The following DPP6 variants were observed in gnomAD, a reference collection of about 807,000 sequenced individuals.
The protein encoded by DPP6 is A-type potassium channel modulatory protein DPP6.
Under a neutral mutation model 122.6 loss-of-function variants are expected in DPP6, and 69 were observed. The ratio of observed to expected loss-of-function variants is 0.56; its 90% confidence interval spans 0.46 to 0.69. DPP6 has a LOEUF of 0.69. Among genes scored for constraint, DPP6 ranks in the 30% least tolerant of loss-of-function variants. The pLI, the probability that DPP6 is intolerant of heterozygous loss-of-function variation, is 0.00. For missense variants in DPP6, 928 were observed against 1,116.9 expected, an observed-to-expected ratio of 0.83 and a Z score of 2.41; for synonymous variants, 418 against 433.1, an observed-to-expected ratio of 0.97 and a Z score of 0.43.
At chr7:154,147,832 C>T (rs1263996808) in intron 1 of DPP6, among the ~76,000 whole-genome samples, 5,831 of 144,030 alleles carry the variant, frequency 0.04, no homozygotes, top group African/African-American at 0.15. Flanking sequence ...GTGTGAGCCG[C>T]AGCACCTGGC....
At chr7:154,334,274 A>G (rs1389662478) in intron 1 of DPP6, among the ~76,000 whole-genome samples, 2 of 152,182 alleles carry the variant, frequency 1.3e-5, no homozygotes, top group Non-Finnish European at 2.9e-5. Flanking sequence ...TCTGCCAGGA[A>G]TGTGCCCTTC....
intron 1 of DPP6, among the ~76,000 whole-genome samples, chr7:154,247,853 G>T (rs890171471): frequency 2.6e-5 from 4 of 152,086 alleles, no homozygotes; most frequent in Non-Finnish European, 5.9e-5. Context: ...AAGAAGCCAG[G>T]TATCTTTCAA....
Position 154,817,602 on chromosome 7 carries a change from C to T in DPP6, c.1666+10490C>T, listed in dbSNP as rs79343203. Reference sequence around the variant, plus strand: ...CGATGTTACGAATATCATGAGTGATCGATTGATGATGTCATGAACATCATG... The same window carrying T: ...CGATGTTACGAATATCATGAGTGATTGATTGATGATGTCATGAACATCATG... On this transcript the variant is annotated intron_variant, in intron 16 of 25. Coordinates refer to ENST00000377770, the MANE Select transcript of DPP6 (RefSeq NM_130797.4). Among the ~76,000 whole-genome samples, 753 of 151,886 alleles carry T rather than the reference C, an allele frequency of 5.0e-3. 3 individuals carry two copies. The highest frequency in any genetic ancestry group is 7.9e-3 in the Non-Finnish European group (536 of 67,960).
chr7:153,868,902 G>T, the DPP6 span, among the ~76,000 whole-genome samples: 1 of 151,958 alleles, frequency 6.6e-6, no homozygotes, highest in Non-Finnish European at 1.5e-5. Context: ...CTTTCATTTC[G>T]TTATGTACCC....
chr7:154,379,521 AAAG>A (rs1340570023), intron 1 of DPP6, among the ~76,000 whole-genome samples: 4 of 152,192 alleles, frequency 2.6e-5, no homozygotes, highest in African/African-American at 9.6e-5. Context: ...TTTTTTAAAA[AAAG>A]AATTTACCCC....
chr7:154,129,286 GAGTCAGTTTTGT>G (rs1341598602), intron 1 of DPP6, among the ~76,000 whole-genome samples: 1 of 152,110 alleles, frequency 6.6e-6, no homozygotes, highest in African/African-American at 2.4e-5. Context: ...TAGCTAGCCT[GAGTCAGTTTTGT>G]GCCTCGGTGT....
At chr7:154,030,750 C>T (rs1043831385) in intron 1 of DPP6, among the ~76,000 whole-genome samples, 3 of 152,122 alleles carry the variant, frequency 2.0e-5, no homozygotes, top group African/African-American at 7.2e-5. Context: ...TTCCCCACTC[C>T]CAGCCATAGG....
rs528914972 is a variant in DPP6, at chr7:154,139,512, C to T, written c.243+86449C>T. 1.8e-3 allele frequency among the ~76,000 whole-genome samples: 265 copies of T among 151,244 alleles called. 1 individual carries two copies. The highest frequency in any genetic ancestry group is 6.2e-3 in the African/African-American group (255 of 41,014). On this transcript the variant is annotated intron_variant, in intron 1 of 25. Transcript: ENST00000377770. ...TCTTCTGGAAACATCCTCATAGACA[C>T]ACCCAAAATAATGCTTTACCAGCTA...
intron 1 of DPP6, among the ~76,000 whole-genome samples, chr7:154,228,405 T>C (rs550293306): frequency 2.0e-5 from 3 of 152,308 alleles, no homozygotes; most frequent in East Asian, 3.9e-4. Context: ...AGCCACAAAA[T>C]AGACCAGTAC....
rs1371974260 is a variant in DPP6 at position 154,684,457 on chromosome 7, G to A, written c.762+15016G>A. ...TTGAATGGGTGACTCAGTCAATTAA[G>A]GCATATTATTTACCCAAGATGAAAA... On this transcript the variant is annotated intron_variant, in intron 7 of 25. Transcript: ENST00000377770. 3.9e-5 allele frequency among the ~76,000 whole-genome samples: 6 copies of A among 152,182 alleles called. 1 individual carries two copies. The highest frequency in any genetic ancestry group is 2.4e-5 in the African/African-American group (1 of 41,420).
chr7:153,827,354 A>G, the DPP6 span, among the ~76,000 whole-genome samples: 1 of 152,206 alleles, frequency 6.6e-6, no homozygotes, highest in African/African-American at 2.4e-5. Flanking sequence ...TAGACGGAGT[A>G]GACATCCTTT....
chr7:154,694,338 T>C (rs1300371792), intron 7 of DPP6, among the ~76,000 whole-genome samples: 1 of 152,110 alleles, frequency 6.6e-6, no homozygotes, highest in Admixed American at 6.5e-5. Context: ...GAGGCCAGGC[T>C]CAGTGGCTCA....
the DPP6 span, among the ~76,000 whole-genome samples, chr7:153,848,903 C>A: frequency 1.3e-5 from 2 of 151,974 alleles, no homozygotes. Context: ...TTTCTTTTTT[C>A]TTTAAATACA....
intron 1 of DPP6, among the ~76,000 whole-genome samples, chr7:154,287,726 G>A (rs1375928347): frequency 4.6e-5 from 7 of 152,150 alleles, no homozygotes; most frequent in Non-Finnish European, 1.0e-4. Context: ...AGCAGAAGGG[G>A]CTCTTGTCAA....
chr7:154,713,211 G>A (rs1353502552), intron 7 of DPP6, among the ~76,000 whole-genome samples: 1 of 152,254 alleles, frequency 6.6e-6, no homozygotes, highest in Non-Finnish European at 1.5e-5. Flanking sequence ...CTGCCCTTGT[G>A]GCTTTACAGG....
intron 1 of DPP6, among the ~76,000 whole-genome samples, chr7:154,287,267 T>A (rs1008541322): frequency 6.6e-6 from 1 of 152,188 alleles, no homozygotes; most frequent in African/African-American, 2.4e-5. Context: ...GTGACCATGT[T>A]TAAAATGACC....
chr7:154,230,407 CCT>C (rs1800856247), intron 1 of DPP6, among the ~76,000 whole-genome samples: 1 of 152,166 alleles, frequency 6.6e-6, no homozygotes, highest in South Asian at 2.1e-4. Flanking sequence ...CTTCTTTCCC[CCT>C]GTTGCTGTGA....
intron 5 of DPP6, among the ~76,000 whole-genome samples, chr7:154,612,108 C>T (rs1833947730): frequency 6.6e-6 from 1 of 152,184 alleles, no homozygotes. Flanking sequence ...TTCTGCCTTC[C>T]TCCAGAGACC....
intron 16 of DPP6, among the ~76,000 whole-genome samples, chr7:154,843,535 A>C (rs1013422326): frequency 6.6e-6 from 1 of 152,188 alleles, no homozygotes; most frequent in Non-Finnish European, 1.5e-5. Context: ...GACATTGCAA[A>C]GGCAGATTCT....
Sources: gnomAD v4.1 joint callset for allele counts (sites outside exome capture counted in the v4.1 genomes callset) on GRCh38, gnomAD v4.1.1 for gene constraint, MANE v1.5 for transcripts, NCBI Gene and HGNC (gene_info 2026-07-23, HGNC 2026-07-21) for gene names.